The following MXRA7 variants were observed in gnomAD, a reference collection of about 807,000 sequenced individuals.
MXRA7 encodes matrix remodeling associated 7, also known as matrix-remodeling-associated protein 7.
A neutral mutation model predicts 17.4 loss-of-function variants in MXRA7; 18 were observed. That is an observed-to-expected ratio of 1.03 (90% CI 0.71 to 1.53). The LOEUF (loss-of-function observed/expected upper bound fraction) is 1.53. Ranked by LOEUF, MXRA7 falls within the 40% of genes most tolerant of loss-of-function variation. MXRA7 has a pLI of 0.00. For synonymous variants in MXRA7, 70 were observed against 101.7 expected (o/e 0.69, Z 1.87); for missense variants, 141 against 209.3 (o/e 0.67, Z 2.01).
At chr17:76,683,089 A>G (rs2076330452) in intron 3 of MXRA7, among the ~76,000 whole-genome samples, 1 of 152,182 alleles carries the variant, frequency 6.6e-6, no homozygotes. Context: ...TCTTGTTCTA[A>G]GAGGCCCTCC....
At chr17:76,698,362 G>GC (rs1011464327) in intron 1 of MXRA7, among the ~76,000 whole-genome samples, 8 of 151,700 alleles carry the variant, frequency 5.3e-5, no homozygotes, top group East Asian at 1.9e-4. Context: ...TTTGCAATGG[G>GC]CGGGGGGGGA....
chr17:76,688,231 G>A, intron 1 of MXRA7, 55 bp from the exon 2 acceptor site: 4 of 1,610,164 alleles, frequency 2.5e-6, no homozygotes, highest in Non-Finnish European at 3.4e-6. Context: ...GATGGGAAGT[G>A]GTGGGGGGGC....
chr17:76,688,083 C>T (rs755965524), intron 2 of MXRA7, 30 bp downstream of exon 2: 2 of 1,610,132 alleles, frequency 1.2e-6, no homozygotes, highest in South Asian at 1.1e-5. Flanking sequence ...CACTGTCAGG[C>T]CCCCTCATGA....
intron 1 of MXRA7, chr17:76,690,231 T>C (rs956347007): frequency 1.3e-5 from 2 of 152,192 alleles, no homozygotes; most frequent in African/African-American, 4.8e-5. Context: ...GGCTACCTCT[T>C]GGGAAAGGAG....
At chr17:76,697,377 G>A (rs1051673888) in intron 1 of MXRA7, among the ~76,000 whole-genome samples, 1 of 152,182 alleles carries the variant, frequency 6.6e-6, no homozygotes, top group Non-Finnish European at 1.5e-5. Context: ...GAAAAGAAAC[G>A]TCTGTTGCTG....
chr17:76,686,216 T>C (rs1391784909), intron 2 of MXRA7, among the ~76,000 whole-genome samples: 2 of 152,206 alleles, frequency 1.3e-5, no homozygotes, highest in Admixed American at 6.5e-5. Context: ...TGGTGGCTCA[T>C]GCCTGTAATC....
chr17:76,688,153 A>T lies in MXRA7; in HGVS notation c.366T>A (p.Gly122=). 6.2e-7 allele frequency: 1 copy of T among 1,613,726 alleles called. No individual in the cohort carries two copies. The highest frequency in any genetic ancestry group is 8.5e-7 in the Non-Finnish European group (1 of 1,179,918). The change falls in exon 2 of 4, where the codon GGT becomes GGA. Residue 122 remains glycine, a synonymous_variant. Transcript: ENST00000449428. Reference sequence around the variant, plus strand: ...GCCCTTCCGATGATGGCCCCTTCTCACCATCCAAGTCCTGCTCCTCTTCCT... The same window carrying T: ...GCCCTTCCGATGATGGCCCCTTCTCTCCATCCAAGTCCTGCTCCTCTTCCT... ...ARQEEEQDLD[G]EKGPSSEGPE... is the part of the protein sequence containing the mutation.
chr17:76,690,653 T>C (rs1481969210), intron 1 of MXRA7, among the ~76,000 whole-genome samples: 1 of 152,142 alleles, frequency 6.6e-6, no homozygotes, highest in Non-Finnish European at 1.5e-5. Flanking sequence ...AGAAAGAATG[T>C]AACATCCTAA....
chr17:76,675,937 A>G (rs2076237429), downstream of MXRA7: 1 of 152,018 alleles, frequency 6.6e-6, no homozygotes, highest in Non-Finnish European at 1.5e-5. Flanking sequence ...GTGTTGATTG[A>G]GCTTTATTTC....
At chr17:76,702,602 T>C (rs960348088) in intron 1 of MXRA7, among the ~76,000 whole-genome samples, 12 of 152,036 alleles carry the variant, frequency 7.9e-5, no homozygotes, top group Admixed American at 1.3e-4. Context: ...GTAATCCCAG[T>C]ACTTTGGGAG....
Position 76,680,773 on chromosome 17 carries a change from T to C in MXRA7, c.*94A>G. ...GGAGGCAGCATGCACCCTGGGAGCC[T>C]GCCCAGACTCCTCTCTGGGGTTTCC... On this transcript the variant is annotated 3_prime_UTR_variant, in exon 4 of 4. Transcript: ENST00000449428. 1 of 1,541,934 alleles carries C rather than the reference T, an allele frequency of 6.5e-7. No homozygotes were observed. The highest frequency in any genetic ancestry group is 8.7e-7 in the Non-Finnish European group (1 of 1,144,536).
downstream of MXRA7, chr17:76,675,889 A>G (rs2076236912): frequency 8.2e-6 from 1 of 121,688 alleles, no homozygotes; most frequent in South Asian, 3.3e-4. Context: ...AGCATGAGGC[A>G]TGGAAATGCC....
rs76177915 is a variant in MXRA7, at chr17:76,684,611, C to T, written c.500+461G>A. On this transcript the variant is annotated intron_variant, in intron 3 of 3. Transcript: ENST00000449428. ...AGCTGCACTGCCCGGAGCTACAAGG[C>T]GCTGCTGCAGGCGCCGGCCTGGGAG... 3,618 of 389,424 alleles carry T rather than the reference C, an allele frequency of 9.3e-3. 127 individuals carry two copies. The highest frequency in any genetic ancestry group is 0.07 in the African/African-American group (3,277 of 46,980). The allele number at this position is 389,424 out of a possible 1,614,324, so 24.1% of individuals were successfully genotyped here. A position where few individuals can be genotyped will look rare whatever the true frequency, so the allele number is the denominator to read the frequency against.
rs112614893 is a variant in MXRA7 at position 76,688,809 on chromosome 17, G to A, written c.343-633C>T. The A allele has an allele frequency of 4.8e-3, 2,848 of 589,578 alleles. 83 individuals carry two copies. In the African/African-American group the frequency reaches 0.049, roughly 10 times the overall value. 36.5% of individuals were successfully genotyped at this position (589,578 alleles called of 1,614,324 possible). On this transcript the variant is annotated intron_variant, in intron 1 of 3. Coordinates refer to ENST00000449428, the MANE Select transcript of MXRA7 (RefSeq NM_198530.4). ...GATGAGAGCGACGTGCCGTGCCCATGGGCTCTGTGGGATTGAAGGTCATGG... is the reference window on the plus strand; with the variant it reads ...GATGAGAGCGACGTGCCGTGCCCATAGGCTCTGTGGGATTGAAGGTCATGG...
At chr17:76,693,224 C>CCCAGCA (rs2076495396) in intron 1 of MXRA7, among the ~76,000 whole-genome samples, 1 of 152,088 alleles carries the variant, frequency 6.6e-6, no homozygotes, top group Non-Finnish European at 1.5e-5. Context: ...AATCCCAGCA[C>CCCAGCA]TTTGGGAGGC....
At chr17:76,685,971 A>G (rs1257158794) in intron 2 of MXRA7, among the ~76,000 whole-genome samples, 1 of 152,184 alleles carries the variant, frequency 6.6e-6, no homozygotes, top group Non-Finnish European at 1.5e-5. Context: ...CACTAACTAA[A>G]GGACCCAGTG....
chr17:76,677,210 T>A (rs2076247203), downstream of MXRA7: 1 of 161,250 alleles, frequency 6.2e-6, no homozygotes, highest in Admixed American at 6.2e-5. Context: ...GAGAGTCGCT[T>A]GAATCAGGGA....
At chr17:76,693,856 AAAC>A (rs1277983273) in intron 1 of MXRA7, among the ~76,000 whole-genome samples, 1 of 152,222 alleles carries the variant, frequency 6.6e-6, no homozygotes, top group African/African-American at 2.4e-5. Context: ...AAAGAAAACA[AAAC>A]AACAACACAA....
intron 3 of MXRA7, among the ~76,000 whole-genome samples, chr17:76,684,198 G>A (rs2076354087): frequency 6.6e-6 from 1 of 152,216 alleles, no homozygotes; most frequent in Non-Finnish European, 1.5e-5. Context: ...GGGCAGTTGA[G>A]TTCTGATTCC....
Sources: gnomAD v4.1 joint callset for allele counts (sites outside exome capture counted in the v4.1 genomes callset) on GRCh38, gnomAD v4.1.1 for gene constraint, MANE v1.5 for transcripts, NCBI Gene and HGNC (gene_info 2026-07-23, HGNC 2026-07-21) for gene names.